Variants in BCL11B observed in about 807,000 individuals in gnomAD.
BCL11B encodes B-cell lymphoma/leukemia 11B.
A neutral mutation model predicts 49.9 loss-of-function variants in BCL11B; 8 were observed. The ratio of observed to expected loss-of-function variants is 0.16; its 90% confidence interval spans 0.09 to 0.29. The LOEUF (loss-of-function observed/expected upper bound fraction) is 0.29, where lower values mean the gene tolerates loss of function less well. Ranked by LOEUF, BCL11B falls within the 10% of genes least tolerant of loss-of-function variation. The pLI is 1.00. For missense variants in BCL11B, 1,006 were observed against 1,351.0 expected, an observed-to-expected ratio of 0.74 and a Z score of 4.00; for synonymous variants, 739 against 637.4, an observed-to-expected ratio of 1.16 and a Z score of -2.40.
At chr14:99,250,325 G>C (rs1326641280) in intron 2 of BCL11B, among the ~76,000 whole-genome samples, 1 of 151,936 alleles carries the variant, frequency 6.6e-6, no homozygotes. Flanking sequence ...GTGAGCCCCC[G>C]TGCCCAGCAG....
At chr14:99,250,571 T>C (rs7141044) in intron 2 of BCL11B, among the ~76,000 whole-genome samples, 63,016 of 151,950 alleles carry the variant, frequency 0.41, 14,078 homozygotes, top group Non-Finnish European at 0.5. Flanking sequence ...CCTAACAGAT[T>C]CTAGACCTGG....
At chr14:99,212,533 T>G (rs1385866515) in intron 3 of BCL11B, among the ~76,000 whole-genome samples, 1 of 151,996 alleles carries the variant, frequency 6.6e-6, no homozygotes, top group Non-Finnish European at 1.5e-5. Context: ...ACAAACAGGG[T>G]CCAGGCTAGC....
chr14:99,186,852 T>C (rs969882829), intron 3 of BCL11B, among the ~76,000 whole-genome samples: 1 of 152,192 alleles, frequency 6.6e-6, no homozygotes, highest in Admixed American at 6.5e-5. Context: ...GAGGACCACC[T>C]TCCCAAGCTG....
At chr14:99,234,880 A>AAAG (rs143975117) in intron 2 of BCL11B, among the ~76,000 whole-genome samples, 11,228 of 117,776 alleles carry the variant, frequency 0.095, 761 homozygotes, top group Non-Finnish European at 0.15. Context: ...AAAAAAAAAA[A>AAAG]GTCTAAAAAT....
chr14:99,241,684 T>C lies in BCL11B; in HGVS notation c.428-10127A>G, dbSNP rs912740493. 6.6e-6 allele frequency among the ~76,000 whole-genome samples: 1 copy of C among 152,060 alleles called. No individual in the cohort carries two copies. The highest frequency in any genetic ancestry group is 2.4e-5 in the African/African-American group (1 of 41,386). On this transcript the variant is annotated intron_variant, in intron 2 of 3. Coordinates refer to ENST00000357195, the MANE Select transcript of BCL11B (RefSeq NM_138576.4). The surrounding 1 kb of genome is among the most constrained non-coding windows in gnomAD (Gnocchi z 4.4). ...CTGTAGGGGGGACGATGTCGCTTTT[T>C]TCCCCCTTCCCTAAGTGCATTTTAA...
rs550725279 is a variant in BCL11B at position 99,192,399 on chromosome 14, C to T, written c.641-16204G>A. 1.4e-4 allele frequency among the ~76,000 whole-genome samples: 22 copies of T among 152,292 alleles called. No homozygotes were observed. Among genetic ancestry groups the T allele is most frequent in the Admixed American group, 5.2e-4 (8 of 15,304 alleles). ...AGGGCTTTCGGGGCCCCGCTCGCCACAATAGGGACTGTAAACTGGGGCTGG... is the reference window on the plus strand; with the variant it reads ...AGGGCTTTCGGGGCCCCGCTCGCCATAATAGGGACTGTAAACTGGGGCTGG... On this transcript the variant is annotated intron_variant, in intron 3 of 3. Transcript: ENST00000357195. The surrounding 1 kb of genome is among the most constrained non-coding windows in gnomAD (Gnocchi z 4.0).
At chr14:99,270,628 G>A (rs1341934608) in intron 1 of BCL11B, among the ~76,000 whole-genome samples, 1 of 151,930 alleles carries the variant, frequency 6.6e-6, no homozygotes, top group Admixed American at 6.5e-5. Flanking sequence ...AGGGACCGGG[G>A]ACCCGGAGCC....
At chr14:99,219,954 A>T (rs1214508579) in intron 3 of BCL11B, among the ~76,000 whole-genome samples, 1 of 152,156 alleles carries the variant, frequency 6.6e-6, no homozygotes, top group African/African-American at 2.4e-5. Flanking sequence ...CTATAGGGCC[A>T]CACCTAGGCT....
rs1294941350 is a variant in BCL11B, at chr14:99,195,535, G to T, written c.641-19340C>A. Among the ~76,000 whole-genome samples the T allele has an allele frequency of 6.6e-6, 1 of 152,110 alleles. No individual in the cohort carries two copies. Among genetic ancestry groups the T allele is most frequent in the Non-Finnish European group, 1.5e-5 (1 of 68,024 alleles). ...GGCCCTTGCTGAGCACTTGCTGAGT[G>T]CCTCAGTGTATCTTCGTGAACCCCC... On this transcript the variant is annotated intron_variant, in intron 3 of 3. Coordinates refer to ENST00000357195, the MANE Select transcript of BCL11B (RefSeq NM_138576.4). This position sits in a 1 kb window ranked among gnomAD's most constrained non-coding sequence, Gnocchi z 4.7.
At position 99,271,263 on chromosome 14, in the gene BCL11B, G is replaced by C. The variant is rs984020637; in HGVS notation, c.-45C>G. The C allele has an allele frequency of 3.1e-6, 4 of 1,290,512 alleles. No individual in the cohort carries two copies. The highest frequency in any genetic ancestry group is 2.8e-5 in the South Asian group (1 of 35,398). 79.9% of individuals were successfully genotyped at this position (1,290,512 alleles called of 1,614,324 possible). A position where few individuals can be genotyped will look rare whatever the true frequency, so the allele number is the denominator to read the frequency against. On this transcript the variant is annotated 5_prime_UTR_variant, in exon 1 of 4. Coordinates refer to ENST00000357195, the MANE Select transcript of BCL11B (RefSeq NM_138576.4). ...GCATCGCCCGGAGAGCTGCACTGATGGGGGGAGCCGGGGGAGGGGGTCCGA... is the reference window on the plus strand; with the variant it reads ...GCATCGCCCGGAGAGCTGCACTGATCGGGGGAGCCGGGGGAGGGGGTCCGA...
In BCL11B at chr14:99,174,546, G is replaced by T; in HGVS notation, c.2290C>A (p.Leu764Ile). 1 of 1,511,522 alleles carries T rather than the reference G, an allele frequency of 6.6e-7. No individual in the cohort carries two copies. The highest frequency in any genetic ancestry group is 8.8e-7 in the Non-Finnish European group (1 of 1,132,336). 93.6% of individuals were successfully genotyped at this position (1,511,522 alleles called of 1,614,324 possible). ...TPPGDLLDGG[L>I]SGRSGTASGG... is the part of the protein sequence containing the mutation. ...CTGGCCGTGCCGCTGCGGCCCGAGA[G>T]GCCGCCGTCCAGCAGGTCCCCGGGC... Residue 764 changes from leucine to isoleucine, a missense_variant, in exon 4 of 4, where the codon CTC (leucine) becomes ATC (isoleucine). Physicochemically the swap from Leu to Ile is conservative, Grantham distance 5. Coordinates refer to ENST00000357195, the MANE Select transcript of BCL11B (RefSeq NM_138576.4).
chr14:99,236,170 C>T (rs865916925), intron 2 of BCL11B, among the ~76,000 whole-genome samples: 2 of 152,070 alleles, frequency 1.3e-5, no homozygotes, highest in East Asian at 1.9e-4. Flanking sequence ...ATTTGAGAGG[C>T]GAACGTACTG....
intron 3 of BCL11B, among the ~76,000 whole-genome samples, chr14:99,212,905 T>A (rs1448477663): frequency 6.6e-6 from 1 of 152,218 alleles, no homozygotes; most frequent in Non-Finnish European, 1.5e-5. Flanking sequence ...AGTCTCTGGG[T>A]CTGTCCCCAA....
At chr14:99,197,503 T>C (rs1237129784) in intron 3 of BCL11B, among the ~76,000 whole-genome samples, 2 of 152,142 alleles carry the variant, frequency 1.3e-5, no homozygotes, top group African/African-American at 4.8e-5. Flanking sequence ...GAGAATTTTT[T>C]TTTCACAAGG....
chr14:99,221,119 GT>G (rs1161729568), intron 3 of BCL11B, among the ~76,000 whole-genome samples: 2 of 152,174 alleles, frequency 1.3e-5, no homozygotes, highest in African/African-American at 4.8e-5. Flanking sequence ...GCCTCCCAAA[GT>G]GCTGGGATTA....
rs1888350640 is a variant in BCL11B at position 99,231,944 on chromosome 14, T to A, written c.428-387A>T. Among the ~76,000 whole-genome samples, 1 of 152,054 alleles carries A rather than the reference T, an allele frequency of 6.6e-6. No homozygotes were observed. Among genetic ancestry groups the A allele is most frequent in the Non-Finnish European group, 1.5e-5 (1 of 67,974 alleles). ...CCATTTGGGGATTTGTTTCCAAAAC[T>A]TCGGGCTACCCCTCCCTGGAAGAGC... On this transcript the variant is annotated intron_variant, in intron 2 of 3. Transcript: ENST00000357195. The surrounding 1 kb of genome is among the most constrained non-coding windows in gnomAD (Gnocchi z 8.1).
chr14:99,268,259 GA>G (rs1889543436), intron 1 of BCL11B, among the ~76,000 whole-genome samples: 2 of 151,770 alleles, frequency 1.3e-5, no homozygotes, highest in South Asian at 4.2e-4. Flanking sequence ...GCCCTTCTCA[GA>G]CGCTCCCTCC....
chr14:99,236,803 G>A (rs752081148), intron 2 of BCL11B, among the ~76,000 whole-genome samples: 1 of 152,218 alleles, frequency 6.6e-6, no homozygotes, highest in African/African-American at 2.4e-5. Flanking sequence ...ACGGCTCCAA[G>A]AGCTGTCTGC....
intron 3 of BCL11B, among the ~76,000 whole-genome samples, chr14:99,209,445 C>T (rs1887626999): frequency 6.6e-6 from 1 of 152,058 alleles, no homozygotes; most frequent in Non-Finnish European, 1.5e-5. Context: ...CAAGCCTGGT[C>T]GTGGGCTGGA....
Sources: allele counts gnomAD v4.1 joint callset (sites outside exome capture counted in the v4.1 genomes callset), GRCh38; gene constraint gnomAD v4.1.1; non-coding constraint Gnocchi (gnomAD v3.1); transcripts MANE v1.5; gene names NCBI Gene and HGNC (gene_info 2026-07-23, HGNC 2026-07-21).